The following PGM5 variants were observed in gnomAD, a reference collection of about 807,000 sequenced individuals.
The protein encoded by PGM5 is phosphoglucomutase-like protein 5.
PGM5 carries 23 observed loss-of-function variants against 59.2 expected under a neutral mutation model. That is an observed-to-expected ratio of 0.39 (90% confidence interval 0.28 to 0.55). The LOEUF (loss-of-function observed/expected upper bound fraction) is 0.55. Among genes scored for constraint, PGM5 ranks in the 20% least tolerant of loss-of-function variants. The probability of loss-of-function intolerance (pLI) is 0.66; values close to 1 mark genes in which losing one functional copy is unlikely to be tolerated. For synonymous variants in PGM5, 214 were observed against 286.0 expected (o/e 0.75, Z 2.54); for missense variants, 574 against 748.3 (o/e 0.77, Z 2.72).
rs1823454042 is a variant in PGM5 at position 68,437,219 on chromosome 9, T to G, written c.1044-27874T>G. On this transcript the variant is annotated intron_variant, in intron 6 of 10. Transcript: ENST00000396396. The surrounding 1 kb of genome is among the most constrained non-coding windows in gnomAD (Gnocchi z 4.1). ...ATTAAAAATTCTTGGCAACATAGAT[T>G]AATGATCATTTTTGAGATTTTTCTC... Among the ~76,000 whole-genome samples the G allele has an allele frequency of 6.6e-6, 1 of 152,226 alleles. No individual in the cohort carries two copies. Among genetic ancestry groups the G allele is most frequent in the African/African-American group, 2.4e-5 (1 of 41,458 alleles).
At position 68,356,969 on chromosome 9, in the gene PGM5, C is replaced by T; in HGVS notation, c.-159C>T. 3.1e-6 allele frequency: 2 copies of T among 649,270 alleles called. No homozygotes were observed. Among genetic ancestry groups the T allele is most frequent in the Admixed American group, 4.4e-5 (1 of 22,852 alleles). The allele number at this position is 649,270 out of a possible 1,614,324, so 40.2% of individuals were successfully genotyped here. Reference sequence around the variant, plus strand: ...CGCGGAGAGGAGGGGCGGGCGGTCCCCAGGCGGGCGGGTGCAGGGCGCAGG... The same window carrying T: ...CGCGGAGAGGAGGGGCGGGCGGTCCTCAGGCGGGCGGGTGCAGGGCGCAGG... On this transcript the variant is annotated 5_prime_UTR_variant, in exon 1 of 11. Transcript: ENST00000396396.
chr9:68,404,208 C>T (rs1377210032), intron 6 of PGM5, among the ~76,000 whole-genome samples: 2 of 152,238 alleles, frequency 1.3e-5, no homozygotes, highest in East Asian at 1.9e-4. Context: ...CTCACTGCAA[C>T]CTCTGCCTCC....
chr9:68,441,868 A>G (rs1203738936), intron 6 of PGM5, among the ~76,000 whole-genome samples: 1 of 111,534 alleles, frequency 9.0e-6, no homozygotes, highest in Non-Finnish European at 1.7e-5. Context: ...ATACACACAC[A>G]AAGGTCAGAG....
intron 7 of PGM5, among the ~76,000 whole-genome samples, chr9:68,467,686 C>T (rs1823955631): frequency 6.6e-6 from 1 of 152,090 alleles, no homozygotes; most frequent in African/African-American, 2.4e-5. Flanking sequence ...CTCTTCTTTA[C>T]ATTTTGCCCT....
intron 9 of PGM5, among the ~76,000 whole-genome samples, chr9:68,484,734 G>T (rs1245531417): frequency 6.6e-6 from 1 of 152,134 alleles, no homozygotes; most frequent in Admixed American, 6.5e-5. Flanking sequence ...GTGCTCATAT[G>T]TGGTGGCCAT....
intron 6 of PGM5, chr9:68,399,090 T>G (rs1822597000): frequency 6.6e-6 from 1 of 152,206 alleles, no homozygotes; most frequent in Non-Finnish European, 1.5e-5. Context: ...TACCTTTTTT[T>G]CCACTAAAGA....
chr9:68,410,257 A>C (rs1822904196), intron 6 of PGM5, among the ~76,000 whole-genome samples: 1 of 142,524 alleles, frequency 7.0e-6, no homozygotes, highest in South Asian at 2.2e-4. Flanking sequence ...ATGTGGCCAC[A>C]CATAGCTCCA....
intron 10 of PGM5, among the ~76,000 whole-genome samples, chr9:68,512,625 C>G (rs1824767211): frequency 6.6e-6 from 1 of 152,174 alleles, no homozygotes; most frequent in Non-Finnish European, 1.5e-5. Context: ...CAAATTTCCC[C>G]TTTTAATAAG....
intron 10 of PGM5, among the ~76,000 whole-genome samples, chr9:68,523,871 G>A (rs1038095562): frequency 6.6e-6 from 1 of 152,136 alleles, no homozygotes; most frequent in Non-Finnish European, 1.5e-5. Context: ...TCTGGTTAGG[G>A]TATTGTTTTC....
intron 1 of PGM5, among the ~76,000 whole-genome samples, chr9:68,367,744 C>T (rs1304348153): frequency 4.6e-5 from 7 of 151,294 alleles, no homozygotes; most frequent in African/African-American, 1.7e-4. Flanking sequence ...AGTATGGGGG[C>T]AGGGGCACTT....
In PGM5 at chr9:68,462,220, C is replaced by T. The variant is rs116935882; in HGVS notation, c.1044-2873C>T. On this transcript the variant is annotated intron_variant, in intron 6 of 10. Transcript: ENST00000396396. Reference sequence around the variant, plus strand: ...AAGTGAGTTCTCATGTTTATCTCCCCGACACAATGGCAAGCAGTTAGGGAG... The same window carrying T: ...AAGTGAGTTCTCATGTTTATCTCCCTGACACAATGGCAAGCAGTTAGGGAG... Among the ~76,000 whole-genome samples the T allele has an allele frequency of 5.9e-5, 9 of 152,188 alleles. No individual in the cohort carries two copies. In the East Asian group the frequency reaches 1.7e-3, roughly 29 times the overall value.
chr9:68,519,624 A>G (rs886298310), intron 10 of PGM5, among the ~76,000 whole-genome samples: 5 of 151,808 alleles, frequency 3.3e-5, no homozygotes, highest in African/African-American at 1.2e-4. Flanking sequence ...CACAATGTGC[A>G]CATGTACCCT....
chr9:68,485,969 G>A (rs1047923558), intron 9 of PGM5, among the ~76,000 whole-genome samples: 4 of 152,186 alleles, frequency 2.6e-5, no homozygotes, highest in African/African-American at 9.7e-5. Context: ...CTGTTGGGTA[G>A]AGGTGGAATC....
At chr9:68,402,722 G>T (rs1554680771) in intron 6 of PGM5, among the ~76,000 whole-genome samples, 1 of 152,144 alleles carries the variant, frequency 6.6e-6, no homozygotes, top group East Asian at 1.9e-4. Context: ...GAGAAGTTTG[G>T]TGCTTGACAA....
chr9:68,356,976 G>T lies in PGM5; in HGVS notation c.-152G>T. On this transcript the variant is annotated 5_prime_UTR_variant, in exon 1 of 11. Coordinates refer to ENST00000396396, the MANE Select transcript of PGM5 (RefSeq NM_021965.4). ...AGGAGGGGCGGGCGGTCCCCAGGCG[G>T]GCGGGTGCAGGGCGCAGGGCGCCGA... The T allele has an allele frequency of 1.4e-6, 1 of 715,840 alleles. No homozygotes were observed. Among genetic ancestry groups the T allele is most frequent in the South Asian group, 3.0e-5 (1 of 33,578 alleles). The allele number at this position is 715,840 out of a possible 1,614,324, so 44.3% of individuals were successfully genotyped here.
chr9:68,409,872 T>TAAA (rs200990186), intron 6 of PGM5, among the ~76,000 whole-genome samples: 6 of 137,490 alleles, frequency 4.4e-5, no homozygotes, highest in African/African-American at 1.4e-4. Context: ...ACTTAAAGTA[T>TAAA]AAAAAAAAAA....
At chr9:68,500,199 T>C (rs918031285) in intron 10 of PGM5, among the ~76,000 whole-genome samples, 1 of 152,200 alleles carries the variant, frequency 6.6e-6, no homozygotes, top group East Asian at 1.9e-4. Context: ...CTGCTACTCA[T>C]TTTAGAGGTG....
intron 6 of PGM5, among the ~76,000 whole-genome samples, chr9:68,392,825 C>T (rs1284800862): frequency 4.6e-5 from 7 of 152,020 alleles, no homozygotes; most frequent in African/African-American, 1.7e-4. Flanking sequence ...ATAGTAAATA[C>T]TACATAAATG....
chr9:68,504,930 T>G (rs144169986), intron 10 of PGM5, among the ~76,000 whole-genome samples: 2 of 152,348 alleles, frequency 1.3e-5, no homozygotes, highest in Non-Finnish European at 2.9e-5. Context: ...TATTCTGTAC[T>G]CAGGATGAAT....
Sources: allele counts gnomAD v4.1 joint callset (sites outside exome capture counted in the v4.1 genomes callset), GRCh38; gene constraint gnomAD v4.1.1; non-coding constraint Gnocchi (gnomAD v3.1); transcripts MANE v1.5; gene names NCBI Gene and HGNC (gene_info 2026-07-23, HGNC 2026-07-21).